TBCD: variants seen among roughly 807,000 people sequenced by gnomAD.
The protein encoded by TBCD is tubulin-specific chaperone D.
In TBCD, 105 loss-of-function variants were observed where a neutral mutation model predicts 169.3. That is an observed-to-expected ratio of 0.62 (90% confidence interval 0.53 to 0.73). The LOEUF (loss-of-function observed/expected upper bound fraction) is 0.73, where lower values mean the gene tolerates loss of function less well. Among genes scored for constraint, TBCD ranks in the 30% least tolerant of loss-of-function variants. The pLI, the probability that TBCD is intolerant of heterozygous loss-of-function variation, is 0.00. For synonymous variants in TBCD, 700 were observed against 643.9 expected (o/e 1.09, Z -1.32); for missense variants, 1,444 against 1,600.1 (o/e 0.90, Z 1.66).
chr17:82,819,955 T>A (rs2052271947), intron 13 of TBCD, among the ~76,000 whole-genome samples: 1 of 151,860 alleles, frequency 6.6e-6, no homozygotes, highest in South Asian at 2.1e-4. Flanking sequence ...GGTGGGGGGA[T>A]GTATTGGTTT....
intron 16 of TBCD, among the ~76,000 whole-genome samples, chr17:82,892,381 C>T (rs1037112988): frequency 4.6e-5 from 7 of 152,184 alleles, no homozygotes; most frequent in East Asian, 3.8e-4. Flanking sequence ...CCCCTGTTCA[C>T]GGTTCAGTGA....
chr17:82,784,494 C>T (rs188111426), intron 7 of TBCD, among the ~76,000 whole-genome samples: 6 of 152,236 alleles, frequency 3.9e-5, no homozygotes, highest in East Asian at 3.9e-4. Flanking sequence ...ACTCAGGTCT[C>T]GGACGTACCC....
intron 7 of TBCD, among the ~76,000 whole-genome samples, chr17:82,788,246 T>A (rs909776889): frequency 3.9e-5 from 6 of 151,986 alleles, no homozygotes; most frequent in African/African-American, 1.2e-4. Flanking sequence ...TAAAAAAAAA[T>A]TTACAAAAAG....
In TBCD at chr17:82,889,823, G is replaced by A; in HGVS notation, c.1563+126G>A. The A allele has an allele frequency of 5.5e-6, 6 of 1,093,760 alleles. No homozygotes were observed. Among genetic ancestry groups the A allele is most frequent in the Non-Finnish European group, 8.0e-6 (6 of 753,548 alleles). 67.8% of individuals were successfully genotyped at this position (1,093,760 alleles called of 1,614,324 possible). On this transcript the variant is annotated intron_variant, in intron 16 of 38. Coordinates refer to ENST00000355528, the MANE Select transcript of TBCD (RefSeq NM_005993.5). The surrounding 1 kb of genome is among the most constrained non-coding windows in gnomAD (Gnocchi z 5.3). ...TGTGGTGTGGCTACATCAATGCCAGGGTCATGAGTTCACTATAGGACGCAC... is the reference window on the plus strand; with the variant it reads ...TGTGGTGTGGCTACATCAATGCCAGAGTCATGAGTTCACTATAGGACGCAC...
intron 6 of TBCD, among the ~76,000 whole-genome samples, chr17:82,778,636 T>TC (rs71168152): frequency 2.5e-5 from 1 of 39,276 alleles, no homozygotes; most frequent in Non-Finnish European, 4.6e-5. Context: ...TTTCTTTTTC[T>TC]TTTTTTTTTT....
At chr17:82,769,524 C>T (rs1251331288) in intron 5 of TBCD, among the ~76,000 whole-genome samples, 2 of 152,158 alleles carry the variant, frequency 1.3e-5, no homozygotes, top group Admixed American at 1.3e-4. Context: ...CTGCTGTGTG[C>T]CTGGCACCGT....
At position 82,840,953 on chromosome 17, in the gene TBCD, G is replaced by GTTTTTTTTTTTT. The variant is rs755302623; in HGVS notation, c.1318+26019_1318+26020insTTTTTTTTTTTT. 3.7e-4 allele frequency among the ~76,000 whole-genome samples: 26 copies of GTTTTTTTTTTTT among 70,548 alleles called. 13 individuals carry two copies. Among genetic ancestry groups the GTTTTTTTTTTTT allele is most frequent in the African/African-American group, 1.0e-3 (18 of 18,010 alleles). 46.3% of individuals were successfully genotyped at this position (70,548 alleles called of 152,430 possible). The stretch of plus-strand genomic sequence containing the variant: ...ACGAGCTGGCCAGGACAGACAAACT[G>GTTTTTTTTTTTT]GTTTTTTTTTTTTTTTTTTTTTTTT... On this transcript the variant is annotated intron_variant, in intron 13 of 38. Coordinates refer to ENST00000355528, the MANE Select transcript of TBCD (RefSeq NM_005993.5).
chr17:82,790,567 C>G (rs1370387223), intron 7 of TBCD, among the ~76,000 whole-genome samples: 1 of 152,190 alleles, frequency 6.6e-6, no homozygotes, highest in Non-Finnish European at 1.5e-5. Context: ...CAGCCATGCT[C>G]TCCGTCCTCA....
intron 13 of TBCD, among the ~76,000 whole-genome samples, chr17:82,848,239 C>T (rs55986575): frequency 0.11 from 16,327 of 152,242 alleles, 1,168 homozygotes; most frequent in South Asian, 0.29. Flanking sequence ...CTGCAGGCAC[C>T]GTCAGAGTCA....
At position 82,929,490 on chromosome 17, in the gene TBCD, C is replaced by T. The variant is rs867484272; in HGVS notation, c.2981C>T (p.Thr994Met). 15 of 1,606,304 alleles carry T rather than the reference C, an allele frequency of 9.3e-6. No individual in the cohort carries two copies. Among genetic ancestry groups the T allele is most frequent in the Non-Finnish European group, 1.2e-5 (14 of 1,179,844 alleles). ...LGLVVSLGGLTESTIRHSTQS... is the reference protein window; with the variant it reads ...LGLVVSLGGLMESTIRHSTQS... ...CTAGTCGTGTCCCTGGGCGGCTTGA[C>T]GGAGTCGACGGTGAGGAGGCGTCGG... The change falls in exon 32 of 39, where the codon ACG becomes ATG. Residue 994 changes from threonine (T) to methionine (M), a missense_variant. Physicochemically the swap from Thr to Met is moderately conservative, Grantham distance 81. Transcript: ENST00000355528.
In TBCD at chr17:82,831,193, A is replaced by C; in HGVS notation, c.1318+16259A>C. 1.2e-6 allele frequency: 2 copies of C among 1,614,078 alleles called. No individual in the cohort carries two copies. Among genetic ancestry groups the C allele is most frequent in the Non-Finnish European group, 8.5e-7 (1 of 1,180,000 alleles). On this transcript the variant is annotated intron_variant, in intron 13 of 38. Coordinates refer to ENST00000355528, the MANE Select transcript of TBCD (RefSeq NM_005993.5). This position sits in a 1 kb window ranked among gnomAD's most constrained non-coding sequence, Gnocchi z 4.6. The stretch of plus-strand genomic sequence containing the variant: ...GCCTTCGCAGGTCTGGCTCGTCTGC[A>C]TGAAGTCGGTGGGGCTCGGCCTCCC...
At chr17:82,805,572 C>T (rs867709938) in intron 9 of TBCD, among the ~76,000 whole-genome samples, 2 of 152,126 alleles carry the variant, frequency 1.3e-5, no homozygotes, top group Non-Finnish European at 2.9e-5. Context: ...CCAGGGAAGG[C>T]GCTGGTCCTG....
intron 13 of TBCD, among the ~76,000 whole-genome samples, chr17:82,862,299 G>C (rs891463166): frequency 3.9e-4 from 60 of 151,902 alleles, no homozygotes; most frequent in Non-Finnish European, 1.2e-4. Context: ...TTTTATGCAG[G>C]GGGGCTGCAT....
chr17:82,820,205 T>C (rs2052299619), intron 13 of TBCD, among the ~76,000 whole-genome samples: 1 of 152,214 alleles, frequency 6.6e-6, no homozygotes, highest in Admixed American at 6.5e-5. Context: ...CTCGAACTCC[T>C]GACCTCAAGT....
chr17:82,844,217 G>GTGTGTGTGTGTGTGTGTGTGTT (rs1428459171), intron 13 of TBCD, among the ~76,000 whole-genome samples: 1 of 150,750 alleles, frequency 6.6e-6, no homozygotes, highest in African/African-American at 2.4e-5. Flanking sequence ...GTGTGTGTGT[G>GTGTGTGTGTGTGTGTGTGTGTT]TGTGTGTGTG....
In TBCD at chr17:82,930,115, C is replaced by T. The variant is rs1044781170; in HGVS notation, c.2992-407C>T. On this transcript the variant is annotated intron_variant, in intron 32 of 38. Coordinates refer to ENST00000355528, the MANE Select transcript of TBCD (RefSeq NM_005993.5). This position sits in a 1 kb window ranked among gnomAD's most constrained non-coding sequence, Gnocchi z 5.2. ...CCCGGGCCCCAGGACGTGAGGTGCCCTCTGCGCCGTGCGGGCGCGTGCGGG... is the reference window on the plus strand; with the variant it reads ...CCCGGGCCCCAGGACGTGAGGTGCCTTCTGCGCCGTGCGGGCGCGTGCGGG... The T allele has an allele frequency of 6.6e-5, 18 of 274,566 alleles. No individual in the cohort carries two copies. The highest frequency in any genetic ancestry group is 4.0e-4 in the African/African-American group (18 of 45,094). The allele number at this position is 274,566 out of a possible 1,614,324, so 17.0% of individuals were successfully genotyped here.
At chr17:82,807,259 T>C (rs2051038742) in intron 10 of TBCD, among the ~76,000 whole-genome samples, 2 of 152,328 alleles carry the variant, frequency 1.3e-5, no homozygotes, top group African/African-American at 4.8e-5. Flanking sequence ...GGGTTTTCTC[T>C]GGAAGCTTCC....
At position 82,930,727 on chromosome 17, in the gene TBCD, A is replaced by G. The variant is rs2147335764; in HGVS notation, c.3113+84A>G. 6.3e-7 allele frequency: 1 copy of G among 1,591,426 alleles called. No homozygotes were observed. Among genetic ancestry groups the G allele is most frequent in the South Asian group, 1.1e-5 (1 of 88,362 alleles). On this transcript the variant is annotated intron_variant, in intron 33 of 38. Coordinates refer to ENST00000355528, the MANE Select transcript of TBCD (RefSeq NM_005993.5). The surrounding 1 kb of genome is among the most constrained non-coding windows in gnomAD (Gnocchi z 5.2). Reference sequence around the variant, plus strand: ...TTCCCACAGATTCCCGGGGTCTCGCAGGGTCTGTCTGGGGTCTGAAGGGAG... The same window carrying G: ...TTCCCACAGATTCCCGGGGTCTCGCGGGGTCTGTCTGGGGTCTGAAGGGAG...
chr17:82,911,988 G>A (rs1177485848), intron 23 of TBCD, among the ~76,000 whole-genome samples, 199 bp downstream of exon 23: 1 of 152,108 alleles, frequency 6.6e-6, no homozygotes, highest in Non-Finnish European at 1.5e-5. Context: ...GATTGAGATT[G>A]AGAGAGAGAA....
Sources: gnomAD v4.1 joint callset for allele counts (sites outside exome capture counted in the v4.1 genomes callset) on GRCh38, gnomAD v4.1.1 for gene constraint, Gnocchi (gnomAD v3.1) non-coding constraint, MANE v1.5 for transcripts, NCBI Gene and HGNC (gene_info 2026-07-23, HGNC 2026-07-21) for gene names.